Variants in NCKAP1 observed in about 807,000 individuals in gnomAD.
NCKAP1 encodes nck-associated protein 1.
Under a neutral mutation model 151.2 loss-of-function variants are expected in NCKAP1, and 21 were observed. The observed-to-expected ratio is 0.14, with a 90% CI of 0.10 to 0.20. The LOEUF is 0.20. Ranked by LOEUF, NCKAP1 falls within the 10% of genes least tolerant of loss-of-function variation. The pLI is 1.00. For missense variants in NCKAP1, 933 were observed against 1,352.1 expected, an observed-to-expected ratio of 0.69 and a Z score of 4.86; for synonymous variants, 484 against 451.8, an observed-to-expected ratio of 1.07 and a Z score of -0.90.
intron 14 of NCKAP1, among the ~76,000 whole-genome samples, chr2:182,977,598 A>G (rs1318100042): frequency 1.3e-5 from 2 of 152,210 alleles, no homozygotes; most frequent in Non-Finnish European, 2.9e-5. Context: ...TAGTGAAATT[A>G]GCCAGTCACA....
chr2:182,995,936 T>A, intron 6 of NCKAP1, 98 bp from the exon 7 acceptor site: 1 of 1,056,718 alleles, frequency 9.5e-7, no homozygotes, highest in Non-Finnish European at 1.4e-6. Flanking sequence ...TATACCATCA[T>A]AAAACAACAC....
At chr2:182,976,337 G>A (rs548025463) in intron 15 of NCKAP1, among the ~76,000 whole-genome samples, 1 of 152,136 alleles carries the variant, frequency 6.6e-6, no homozygotes, top group Non-Finnish European at 1.5e-5. Context: ...TCAGAAAATG[G>A]AAGTTTTTTG....
At chr2:182,994,924 A>T in intron 7 of NCKAP1, 37 bp from the exon 8 acceptor site, 1 of 1,514,030 alleles carries the variant, frequency 6.6e-7, no homozygotes, top group Non-Finnish European at 9.1e-7. Flanking sequence ...AGTTAAAAGA[A>T]ATTCTAAAAA....
chr2:182,943,604 C>T (rs1697040930), intron 23 of NCKAP1, among the ~76,000 whole-genome samples: 1 of 151,506 alleles, frequency 6.6e-6, no homozygotes, highest in African/African-American at 2.4e-5. Flanking sequence ...TCAACACCAT[C>T]GAATTTAAAA....
chr2:183,032,817 C>T (rs572095127), intron 1 of NCKAP1, among the ~76,000 whole-genome samples: 46 of 152,204 alleles, frequency 3.0e-4, no homozygotes, highest in African/African-American at 1.1e-3. Flanking sequence ...CAGGCTGAAG[C>T]GAGTGGATTG....
At chr2:182,932,293 A>T (rs918093612) in intron 26 of NCKAP1, among the ~76,000 whole-genome samples, 12 of 152,168 alleles carry the variant, frequency 7.9e-5, no homozygotes, top group Non-Finnish European at 1.2e-4. Context: ...AACAATCATT[A>T]AAAAAAGTAC....
At chr2:182,948,673 C>T (rs1575023749) in intron 23 of NCKAP1, among the ~76,000 whole-genome samples, 1 of 152,148 alleles carries the variant, frequency 6.6e-6, no homozygotes, top group Non-Finnish European at 1.5e-5. Context: ...AGAAAAACTA[C>T]AAAGCATACA....
chr2:182,983,526 A>G (rs1024971497), intron 10 of NCKAP1, 144 bp from the exon 11 acceptor site: 16 of 539,996 alleles, frequency 3.0e-5, no homozygotes, highest in East Asian at 2.7e-4. Flanking sequence ...CTATGTGTCT[A>G]TCGTTAAGTG....
At chr2:183,026,137 CAGAA>C (rs1391847350) in intron 1 of NCKAP1, among the ~76,000 whole-genome samples, 3 of 152,238 alleles carry the variant, frequency 2.0e-5, no homozygotes, top group Middle Eastern at 3.4e-3. Flanking sequence ...ACACTGAAAA[CAGAA>C]AGAACAGAAT....
chr2:182,971,725 A>G (rs1250894561), intron 15 of NCKAP1, among the ~76,000 whole-genome samples: 4 of 152,190 alleles, frequency 2.6e-5, no homozygotes, highest in Admixed American at 6.5e-5. Flanking sequence ...ACAAATATCA[A>G]TGAAACGGAA....
At chr2:182,967,427 C>T (rs80019420) in intron 15 of NCKAP1, 66 bp from the exon 16 acceptor site, 75,317 of 1,390,964 alleles carry the variant, frequency 0.054, 2,509 homozygotes, top group South Asian at 0.13. Context: ...TGTCATTTTA[C>T]AGGGGGAAAA....
chr2:182,930,803 A>T lies in NCKAP1; in HGVS notation c.2860-15T>A, dbSNP rs758345115. On this transcript the variant is annotated splice_polypyrimidine_tract_variant and intron_variant, in intron 26 of 30. Coordinates refer to ENST00000361354, the MANE Select transcript of NCKAP1 (RefSeq NM_013436.5). ...TTCATTGCAACCTGATAAAAACAAAAGAATTACAGAGCAATAAATAGTCTA... is the reference window on the plus strand; with the variant it reads ...TTCATTGCAACCTGATAAAAACAAATGAATTACAGAGCAATAAATAGTCTA... 1.9e-6 allele frequency: 3 copies of T among 1,594,114 alleles called. No homozygotes were observed. The highest frequency in any genetic ancestry group is 1.7e-6 in the Non-Finnish European group (2 of 1,162,328).
At chr2:182,946,304 C>T (rs1163601358) in intron 23 of NCKAP1, among the ~76,000 whole-genome samples, 2 of 151,892 alleles carry the variant, frequency 1.3e-5, no homozygotes, top group Non-Finnish European at 2.9e-5. Flanking sequence ...GGAGGCTGAG[C>T]CAGGAGAATG....
intron 6 of NCKAP1, among the ~76,000 whole-genome samples, chr2:182,998,394 G>C (rs1179969613): frequency 6.6e-6 from 1 of 152,090 alleles, no homozygotes; most frequent in Admixed American, 6.6e-5. Flanking sequence ...AAAAAAGGAA[G>C]TCAAAGTATC....
intron 4 of NCKAP1, 115 bp from the exon 5 acceptor site, chr2:183,002,384 C>A: frequency 1.3e-6 from 1 of 750,838 alleles, no homozygotes; most frequent in South Asian, 2.4e-5. Flanking sequence ...TATTTTATCC[C>A]TGTTCTAAAA....
chr2:183,031,492 G>C (rs1016216615), intron 1 of NCKAP1, among the ~76,000 whole-genome samples: 3 of 152,132 alleles, frequency 2.0e-5, no homozygotes, highest in Non-Finnish European at 2.9e-5. Context: ...GCAGTAAGTA[G>C]ATGTCAAACT....
At position 182,924,964 on chromosome 2, in the gene NCKAP1, T is replaced by A. The variant is rs1178567360; in HGVS notation, c.*738A>T. On this transcript the variant is annotated 3_prime_UTR_variant, in exon 31 of 31. Transcript: ENST00000361354. The stretch of plus-strand genomic sequence containing the variant: ...AAAAATTTAAAACATATATAAAAAG[T>A]GGTTAGGGACTAACATTTGTATCAA... The A allele has an allele frequency of 3.3e-5, 5 of 152,108 alleles. No individual in the cohort carries two copies. The highest frequency in any genetic ancestry group is 4.8e-5 in the African/African-American group (2 of 41,434). The allele number at this position is 152,108 out of a possible 1,614,324, so 9.4% of individuals were successfully genotyped here.
chr2:182,968,533 G>A (rs1436805986), intron 15 of NCKAP1, among the ~76,000 whole-genome samples: 2 of 152,134 alleles, frequency 1.3e-5, no homozygotes, highest in African/African-American at 4.8e-5. Context: ...ATGAGGTAAT[G>A]TCTCCCTTGG....
rs750171376 is a variant in NCKAP1, at chr2:182,981,294, C to T, written c.1291G>A (p.Val431Met). 1.4e-5 allele frequency: 22 copies of T among 1,612,946 alleles called. No homozygotes were observed. Among genetic ancestry groups the T allele is most frequent in the Admixed American group, 5.0e-5 (3 of 59,972 alleles). ...KYGPVMQRYY[V>M]QYLSGFDAVV... The stretch of plus-strand genomic sequence containing the variant: ...GCATCAAAGCCAGAAAGGTACTGCA[C>T]GTAATACCTCTGCATTACAGGTCCG... The change falls in exon 13 of 31, where the codon GTG becomes ATG. Residue 431 changes from valine (V) to methionine (M), a missense_variant. Val to Met is a conservative substitution (Grantham distance 21). Around this residue, in one of 2 missense-constraint regions of NCKAP1, gnomAD observed 607 missense variants for 795.0 expected, o/e 0.76. Transcript: ENST00000361354.
Sources: allele counts gnomAD v4.1 joint callset (sites outside exome capture counted in the v4.1 genomes callset), GRCh38; gene constraint gnomAD v4.1.1; regional missense constraint gnomAD v4.1.1; transcripts MANE v1.5; gene names NCBI Gene and HGNC (gene_info 2026-07-23, HGNC 2026-07-21).